RAB3GAP2: variants seen among roughly 807,000 people sequenced by gnomAD.
RAB3GAP2 encodes rab3 GTPase-activating protein non-catalytic subunit.
A neutral mutation model predicts 185.3 loss-of-function variants in RAB3GAP2; 87 were observed. That is an observed-to-expected ratio of 0.47 (90% CI 0.39 to 0.56). The LOEUF (loss-of-function observed/expected upper bound fraction) is 0.56, where lower values mean the gene tolerates loss of function less well. Ranked by LOEUF, RAB3GAP2 falls within the 20% of genes least tolerant of loss-of-function variation. The pLI is 0.00. For synonymous variants in RAB3GAP2, 554 were observed against 576.1 expected (o/e 0.96, Z 0.55); for missense variants, 1,492 against 1,638.2 (o/e 0.91, Z 1.54).
chr1:220,193,353 T>C lies in RAB3GAP2; in HGVS notation c.1157A>G (p.His386Arg). The change falls in exon 13 of 35, where the codon CAT (histidine) becomes CGT (arginine). Residue 386 changes from histidine to arginine, a missense_variant. His to Arg is a conservative substitution (Grantham distance 29, BLOSUM62 0). This residue lies in a region of RAB3GAP2 where 243 missense variants were observed against 314.8 expected (regional missense o/e 0.77). Transcript: ENST00000358951. The stretch of plus-strand genomic sequence containing the variant: ...TGGAGACAGACATATGCTTTCACCA[T>C]GGCGTCTAGAATCTGGAAGTCCAAA... ...VRFGLPDSRR[H>R]GESICLSPCN... is the part of the protein sequence containing the mutation. The C allele has an allele frequency of 1.2e-6, 2 of 1,613,966 alleles. No homozygotes were observed. Among genetic ancestry groups the C allele is most frequent in the South Asian group, 1.1e-5 (1 of 91,068 alleles).
chr1:220,185,372 C>T (rs548137132), intron 18 of RAB3GAP2, among the ~76,000 whole-genome samples: 6 of 152,244 alleles, frequency 3.9e-5, no homozygotes, highest in African/African-American at 1.4e-4. Flanking sequence ...AACATTAATA[C>T]AAAGCTATAT....
At chr1:220,203,382 A>G (rs577423651) in intron 8 of RAB3GAP2, among the ~76,000 whole-genome samples, 1 of 152,370 alleles carries the variant, frequency 6.6e-6, no homozygotes, top group South Asian at 2.1e-4. Flanking sequence ...AAGAAAAAAT[A>G]TAACCTCTAA....
At chr1:220,227,262 C>T (rs1659418928) in intron 2 of RAB3GAP2, among the ~76,000 whole-genome samples, 2 of 151,982 alleles carry the variant, frequency 1.3e-5, no homozygotes, top group Admixed American at 6.6e-5. Flanking sequence ...TGGCTACGGC[C>T]GATAGTGTAT....
intron 21 of RAB3GAP2, among the ~76,000 whole-genome samples, chr1:220,180,034 T>C (rs1379937551): frequency 6.6e-6 from 1 of 152,026 alleles, no homozygotes; most frequent in African/African-American, 2.4e-5. Context: ...TGGTGGCGCA[T>C]GCCTGTAGTC....
chr1:220,270,096 A>G (rs574325815), intron 1 of RAB3GAP2, among the ~76,000 whole-genome samples: 1 of 152,070 alleles, frequency 6.6e-6, no homozygotes, highest in Non-Finnish European at 1.5e-5. Flanking sequence ...ACCAATAAGC[A>G]TTTTTCTATC....
At chr1:220,166,845 TCTTGA>T (rs957966687) in intron 26 of RAB3GAP2, among the ~76,000 whole-genome samples, 3 of 152,212 alleles carry the variant, frequency 2.0e-5, no homozygotes, top group African/African-American at 7.2e-5. Context: ...GGACCTTCAC[TCTTGA>T]CTTTTATCAC....
chr1:220,162,855 A>AT (rs975119174), intron 27 of RAB3GAP2, among the ~76,000 whole-genome samples: 5 of 152,182 alleles, frequency 3.3e-5, no homozygotes, highest in African/African-American at 9.7e-5. Context: ...CTGCCAATTG[A>AT]TTTTTTTCAC....
In RAB3GAP2 at chr1:220,158,973, G is replaced by C. The variant is rs1195566363; in HGVS notation, c.3261+413C>G. The stretch of plus-strand genomic sequence containing the variant: ...ATCCATGGATTAGAATATTAGTTAA[G>C]ACTAATGTTGTATTTGTATACTTAT... On this transcript the variant is annotated intron_variant, in intron 29 of 34. Transcript: ENST00000358951. This position sits in a 1 kb window ranked among gnomAD's most constrained non-coding sequence, Gnocchi z 4.3. Among the ~76,000 whole-genome samples the C allele has an allele frequency of 1.3e-5, 2 of 152,068 alleles. No homozygotes were observed. The highest frequency in any genetic ancestry group is 4.8e-5 in the African/African-American group (2 of 41,390).
chr1:220,267,402 T>C (rs1660247961), intron 1 of RAB3GAP2: 3 of 1,295,050 alleles, frequency 2.3e-6, no homozygotes, highest in Non-Finnish European at 3.4e-6. Flanking sequence ...GCTCCACTCC[T>C]GCTTTCTCCA....
chr1:220,238,224 T>G (rs990624298), intron 1 of RAB3GAP2, among the ~76,000 whole-genome samples: 1 of 152,128 alleles, frequency 6.6e-6, no homozygotes, highest in Non-Finnish European at 1.5e-5. Context: ...TTCTCTTTTT[T>G]TGTAGAGATG....
At chr1:220,174,034 AAAAAG>A (rs1213406222) in intron 21 of RAB3GAP2, among the ~76,000 whole-genome samples, 8 of 151,268 alleles carry the variant, frequency 5.3e-5, no homozygotes, top group Non-Finnish European at 7.4e-5. Context: ...AAAAAAAAAA[AAAAAG>A]AAAAGAAAAG....
intron 21 of RAB3GAP2, among the ~76,000 whole-genome samples, chr1:220,175,624 G>A (rs934378994): frequency 6.6e-6 from 1 of 152,180 alleles, no homozygotes; most frequent in African/African-American, 2.4e-5. Context: ...TTGGCAGCCA[G>A]AAGTTTATTT....
At chr1:220,189,413 G>T (rs550026325) in intron 17 of RAB3GAP2, among the ~76,000 whole-genome samples, 1 of 151,928 alleles carries the variant, frequency 6.6e-6, no homozygotes, top group South Asian at 2.1e-4. Context: ...TAGAGACGGG[G>T]TTTCACCATG....
At chr1:220,201,168 C>T (rs146709204) in intron 9 of RAB3GAP2, among the ~76,000 whole-genome samples, 1 of 152,232 alleles carries the variant, frequency 6.6e-6, no homozygotes, top group Admixed American at 6.5e-5. Context: ...CTTATAGTGG[C>T]TGCAAGAAGA....
intron 4 of RAB3GAP2, chr1:220,211,512 T>A (rs1463325643): frequency 2.7e-6 from 1 of 371,936 alleles, no homozygotes; most frequent in Non-Finnish European, 5.2e-6. Flanking sequence ...ACTTGCTGGG[T>A]TTTCTTTTCT....
intron 3 of RAB3GAP2, 114 bp downstream of exon 3, chr1:220,213,742 G>GT: frequency 2.0e-6 from 2 of 988,194 alleles, no homozygotes; most frequent in Non-Finnish European, 1.4e-6. Context: ...TGGGGGGGGG[G>GT]GGAGAGAGAG....
intron 27 of RAB3GAP2, 107 bp from the exon 28 acceptor site, chr1:220,162,375 T>A: frequency 4.0e-6 from 3 of 747,680 alleles, no homozygotes; most frequent in South Asian, 3.3e-5. Flanking sequence ...CTATTTTGAT[T>A]TCATTTTTTA....
At position 220,167,509 on chromosome 1, in the gene RAB3GAP2, G is replaced by A; in HGVS notation, c.2973C>T (p.Ala991=). 2 of 1,614,020 alleles carry A rather than the reference G, an allele frequency of 1.2e-6. No homozygotes were observed. The highest frequency in any genetic ancestry group is 8.5e-7 in the Non-Finnish European group (1 of 1,179,968). The change falls in exon 25 of 35, where the codon GCC becomes GCT. Residue 991 remains alanine, a synonymous_variant. Transcript: ENST00000358951. ...TCATTATTTGTGTATCACCTGGTAT[G>A]GCTCCTAAGTCCATCTCCATCTCTG... The part of the protein sequence containing the change: ...EVSEMEMDLG[A]IPDLLHLAYE...
intron 21 of RAB3GAP2, among the ~76,000 whole-genome samples, chr1:220,172,972 C>T (rs1658207108): frequency 6.6e-6 from 1 of 152,152 alleles, no homozygotes; most frequent in African/African-American, 2.4e-5. Context: ...GTTTCCAAAC[C>T]TTCTTTGGGT....
Sources: gnomAD v4.1 joint callset for allele counts (sites outside exome capture counted in the v4.1 genomes callset) on GRCh38, gnomAD v4.1.1 for gene constraint, gnomAD v4.1.1 regional missense constraint, Gnocchi (gnomAD v3.1) non-coding constraint, MANE v1.5 for transcripts, NCBI Gene and HGNC (gene_info 2026-07-23, HGNC 2026-07-21) for gene names.